Variants in AUNIP observed in about 807,000 individuals in gnomAD.
AUNIP encodes the protein aurora kinase A- and ninein-interacting protein.
In AUNIP, 16 loss-of-function variants were observed where a neutral mutation model predicts 12.2. That is an observed-to-expected ratio of 1.31 (90% CI 0.88 to 1.99). The LOEUF (loss-of-function observed/expected upper bound fraction) is 1.99. Among genes scored for constraint, AUNIP ranks in the 30% most tolerant of loss-of-function variants. AUNIP has a pLI of 0.00. For missense variants in AUNIP, 411 were observed against 419.1 expected (o/e 0.98, Z 0.17); for synonymous variants, 142 against 154.8 (o/e 0.92, Z 0.61).
intron 1 of AUNIP, among the ~76,000 whole-genome samples, chr1:25,858,893 T>C (rs966948649): frequency 5.3e-5 from 8 of 152,164 alleles, no homozygotes; most frequent in Non-Finnish European, 8.8e-5. Context: ...CCAATTTGCA[T>C]TCGCATCCAT....
intron 1 of AUNIP, among the ~76,000 whole-genome samples, chr1:25,857,392 C>T (rs896119731): frequency 1.3e-5 from 2 of 151,070 alleles, no homozygotes; most frequent in African/African-American, 4.9e-5. Context: ...ATTACAGGTA[C>T]CTGCCACCAC....
chr1:25,842,569 C>T (rs956962031), intron 1 of AUNIP, among the ~76,000 whole-genome samples: 3 of 152,324 alleles, frequency 2.0e-5, no homozygotes, highest in East Asian at 1.9e-4. Context: ...TCACTGTAGA[C>T]GAAATAGTCT....
intron 1 of AUNIP, among the ~76,000 whole-genome samples, chr1:25,846,761 GC>G (rs1231095256): frequency 6.6e-6 from 1 of 152,148 alleles, no homozygotes; most frequent in Non-Finnish European, 1.5e-5. Context: ...TCACTTAAAG[GC>G]CATAATGCAT....
At chr1:25,848,513 TA>T (rs1160258300) in intron 1 of AUNIP, among the ~76,000 whole-genome samples, 1 of 150,624 alleles carries the variant, frequency 6.6e-6, no homozygotes, top group Non-Finnish European at 1.5e-5. Context: ...AAAAGAATCT[TA>T]TGCAAGGAGA....
rs766205588 is a variant in AUNIP at position 25,859,271 on chromosome 1, G to A, written c.78+9C>T. On this transcript the variant is annotated intron_variant, in intron 1 of 2. Coordinates refer to ENST00000374298, the MANE Select transcript of AUNIP (RefSeq NM_024037.3). Reference sequence around the variant, plus strand: ...GTTCCCAACGCCCTCTCATCCCCCAGCGTCCCACCTGCACTTTCCGCCTCT... The same window carrying A: ...GTTCCCAACGCCCTCTCATCCCCCAACGTCCCACCTGCACTTTCCGCCTCT... 4 of 1,572,000 alleles carry A rather than the reference G, an allele frequency of 2.5e-6. No individual in the cohort carries two copies. In the African/African-American group the frequency reaches 4.1e-5, roughly 16 times the overall value.
intron 1 of AUNIP, among the ~76,000 whole-genome samples, chr1:25,857,066 C>T (rs2048467662): frequency 1.3e-5 from 2 of 151,940 alleles, no homozygotes; most frequent in South Asian, 2.1e-4. Context: ...TGTAGGTAGT[C>T]GTGATTACGC....
intron 1 of AUNIP, among the ~76,000 whole-genome samples, chr1:25,843,628 T>C (rs997768339): frequency 7.5e-6 from 1 of 133,736 alleles, no homozygotes; most frequent in Non-Finnish European, 1.6e-5. Flanking sequence ...AAAAAAGGGA[T>C]TCATGATTCA....
chr1:25,835,651 G>A lies in AUNIP; in HGVS notation c.416C>T (p.Thr139Ile), dbSNP rs769501757. The change falls in exon 3 of 3, where the codon ACT (threonine) becomes ATT (isoleucine). Residue 139 changes from threonine (T) to isoleucine (I), a missense_variant. Transcript: ENST00000374298. ...EAGLSPQSLQTSGHHRMKTPF... is the reference protein window; with the variant it reads ...EAGLSPQSLQISGHHRMKTPF... ...GGTTTTCATTCTGTGGTGGCCAGAAGTCTGGAGGGACTGAGGAGAGAGTCC... is the reference window on the plus strand; with the variant it reads ...GGTTTTCATTCTGTGGTGGCCAGAAATCTGGAGGGACTGAGGAGAGAGTCC... 6.2e-7 allele frequency: 1 copy of A among 1,614,254 alleles called. No homozygotes were observed. Among genetic ancestry groups the A allele is most frequent in the Non-Finnish European group, 8.5e-7 (1 of 1,180,038 alleles).
At chr1:25,836,903 GC>G (rs2048307193) in intron 2 of AUNIP, among the ~76,000 whole-genome samples, 1 of 152,180 alleles carries the variant, frequency 6.6e-6, no homozygotes, top group Non-Finnish European at 1.5e-5. Flanking sequence ...GGCCCAGCCT[GC>G]TCTGAGTCAG....
intron 2 of AUNIP, among the ~76,000 whole-genome samples, chr1:25,836,233 G>T (rs905287023): frequency 6.6e-6 from 1 of 152,134 alleles, no homozygotes; most frequent in Non-Finnish European, 1.5e-5. Context: ...TGGTGATCCT[G>T]GTCAAATATA....
In AUNIP at chr1:25,835,652, T is replaced by G. The variant is rs777673955; in HGVS notation, c.415A>C (p.Thr139Pro). Residue 139 changes from threonine to proline, a missense_variant, in exon 3 of 3, where the codon ACT becomes CCT. Transcript: ENST00000374298. Reference sequence around the variant, plus strand: ...GTTTTCATTCTGTGGTGGCCAGAAGTCTGGAGGGACTGAGGAGAGAGTCCA... The same window carrying G: ...GTTTTCATTCTGTGGTGGCCAGAAGGCTGGAGGGACTGAGGAGAGAGTCCA... ...EAGLSPQSLQ[T>P]SGHHRMKTPF... The G allele has an allele frequency of 1.2e-6, 2 of 1,614,166 alleles. No individual in the cohort carries two copies. Among genetic ancestry groups the G allele is most frequent in the Non-Finnish European group, 8.5e-7 (1 of 1,180,024 alleles).
In AUNIP at chr1:25,836,195, T is replaced by C. The variant is rs141755747; in HGVS notation, c.221-349A>G. ...TACGGCACATCAGTTTTGCTTTTGT[T>C]TTTTATTTAATGTGGTTTTTTACTA... On this transcript the variant is annotated intron_variant, in intron 2 of 2. Transcript: ENST00000374298. 8.2e-3 allele frequency among the ~76,000 whole-genome samples: 1,253 copies of C among 152,358 alleles called. 18 individuals carry two copies. Among genetic ancestry groups the C allele is most frequent in the African/African-American group, 0.028 (1,155 of 41,586 alleles).
chr1:25,835,508 G>A lies in AUNIP; in HGVS notation c.559C>T (p.Arg187Ter), dbSNP rs762592608. 1.2e-5 allele frequency: 20 copies of A among 1,613,972 alleles called. No individual in the cohort carries two copies. The East Asian group carries it at 1.8e-4, about 14-fold the overall frequency. ...EDLESSCLLD[R>*]KEEKGDSARK... The stretch of plus-strand genomic sequence containing the variant: ...GCAGAATCCCCTTTTTCTTCCTTTC[G>A]GTCTAGCAAACAAGAACTTTCCAAG... Residue 187 changes from arginine (R) to a stop codon, truncating the protein, a stop_gained, in exon 3 of 3, where the codon CGA (arginine) becomes TGA (stop). Coordinates refer to ENST00000374298, the MANE Select transcript of AUNIP (RefSeq NM_024037.3). LOFTEE classifies it low-confidence loss of function (END_TRUNC).
chr1:25,842,015 A>G (rs1391594096), intron 1 of AUNIP, among the ~76,000 whole-genome samples: 25 of 152,204 alleles, frequency 1.6e-4, no homozygotes, highest in Non-Finnish European at 5.9e-5. Flanking sequence ...GAAGAACTCT[A>G]TAATGGCCTC....
Position 25,835,054 on chromosome 1 carries a change from T to G in AUNIP, c.1013A>C (p.Lys338Thr). 1.2e-6 allele frequency: 2 copies of G among 1,614,232 alleles called. No individual in the cohort carries two copies. The highest frequency in any genetic ancestry group is 3.3e-5 in the Admixed American group (2 of 60,016). The change falls in exon 3 of 3, where the codon AAG (lysine) becomes ACG (threonine). Residue 338 changes from lysine to threonine, a missense_variant. Physicochemically the swap from Lys to Thr is moderately conservative, Grantham distance 78 (BLOSUM62 -1). Transcript: ENST00000374298. The stretch of plus-strand genomic sequence containing the variant: ...GTCCTGGGTAAAGAGCAAATCAGGC[T>G]TCAGATTTTGAGTTGGCCCATCCTC... ...CQEDGPTQNL[K>T]PDLLFTQDSE...
At chr1:25,839,560 C>T (rs544496786) in intron 1 of AUNIP, among the ~76,000 whole-genome samples, 1 of 152,272 alleles carries the variant, frequency 6.6e-6, no homozygotes, top group African/African-American at 2.4e-5. Context: ...TAAACTAGCC[C>T]TAGAGCAAAA....
At chr1:25,839,292 G>A (rs977461553) in intron 1 of AUNIP, among the ~76,000 whole-genome samples, 6 of 152,192 alleles carry the variant, frequency 3.9e-5, no homozygotes, top group African/African-American at 7.2e-5. Flanking sequence ...GATTTGCAGT[G>A]CAGAGAAAGA....
chr1:25,835,507 C>T lies in AUNIP; in HGVS notation c.560G>A (p.Arg187Gln), dbSNP rs773196434. Residue 187 changes from arginine to glutamine, a missense_variant, in exon 3 of 3, where the codon CGA becomes CAA. Arg to Gln is a conservative substitution (Grantham distance 43, BLOSUM62 1). Coordinates refer to ENST00000374298, the MANE Select transcript of AUNIP (RefSeq NM_024037.3). Reference protein sequence around the residue: ...EDLESSCLLDRKEEKGDSARK... With the variant: ...EDLESSCLLDQKEEKGDSARK... Reference sequence around the variant, plus strand: ...GGCAGAATCCCCTTTTTCTTCCTTTCGGTCTAGCAAACAAGAACTTTCCAA... The same window carrying T: ...GGCAGAATCCCCTTTTTCTTCCTTTTGGTCTAGCAAACAAGAACTTTCCAA... 3.2e-5 allele frequency: 52 copies of T among 1,614,070 alleles called. No individual in the cohort carries two copies. Among genetic ancestry groups the T allele is most frequent in the Middle Eastern group, 1.6e-4 (1 of 6,084 alleles).
At chr1:25,833,994 T>G (rs1393541268), downstream of AUNIP, 17 of 974,728 alleles carry the variant, frequency 1.7e-5, no homozygotes, top group Non-Finnish European at 2.1e-5. Flanking sequence ...AATTACCAAT[T>G]ATCACAAGAG....
Sources: allele counts gnomAD v4.1 joint callset (sites outside exome capture counted in the v4.1 genomes callset), GRCh38; gene constraint gnomAD v4.1.1; transcripts MANE v1.5; gene names NCBI Gene and HGNC (gene_info 2026-07-23, HGNC 2026-07-21).